JAG1: variants seen among roughly 807,000 people sequenced by gnomAD.
JAG1 encodes the protein jagged canonical Notch ligand 1.
In JAG1, 23 loss-of-function variants were observed where a neutral mutation model predicts 148.7. That is an observed-to-expected ratio of 0.15 (90% CI 0.11 to 0.22). The LOEUF is 0.22. JAG1 is among the 10% of genes least tolerant of loss of function. The probability of loss-of-function intolerance (pLI) is 1.00; values close to 1 mark genes in which losing one functional copy is unlikely to be tolerated. For synonymous variants in JAG1, 572 were observed against 598.3 expected (o/e 0.96, Z 0.64); for missense variants, 1,054 against 1,611.2 (o/e 0.65, Z 5.92).
chr20:10,644,982 A>G lies in JAG1; in HGVS notation c.2228-3T>C, dbSNP rs1244716853. The G allele has an allele frequency of 6.2e-7, 1 of 1,611,952 alleles. No individual in the cohort carries two copies. Among genetic ancestry groups the G allele is most frequent in the Non-Finnish European group, 8.5e-7 (1 of 1,178,162 alleles). On this transcript the variant is annotated splice_region_variant and splice_polypyrimidine_tract_variant and intron_variant, in intron 17 of 25. Coordinates refer to ENST00000254958, the MANE Select transcript of JAG1 (RefSeq NM_000214.3). ...GGGCAGGCAGCTACTGTTTCGGGCT[A>G]TAAAAGAAGAGCAGACACGACCACC...
chr20:10,657,595 A>G (rs1348749434), intron 4 of JAG1, among the ~76,000 whole-genome samples: 1 of 152,160 alleles, frequency 6.6e-6, no homozygotes, highest in Non-Finnish European at 1.5e-5. Context: ...AATTGAGTCT[A>G]TCAAAACAAT....
chr20:10,664,904 CA>C, intron 2 of JAG1, among the ~76,000 whole-genome samples: 2 of 152,296 alleles, frequency 1.3e-5, no homozygotes, highest in Middle Eastern at 6.8e-3. Flanking sequence ...AAGCTATTAG[CA>C]AATTCCCTCC....
At chr20:10,655,013 G>A (rs73075360) in intron 5 of JAG1, among the ~76,000 whole-genome samples, 3,002 of 152,272 alleles carry the variant, frequency 0.02, 32 homozygotes, top group Non-Finnish European at 0.027. Context: ...TTCCTGCTCC[G>A]CATTGGACAG....
rs754843631 is a variant in JAG1 at position 10,648,531 on chromosome 20, G to A, written c.1569+18C>T. 1 of 1,611,850 alleles carries A rather than the reference G, an allele frequency of 6.2e-7. No individual in the cohort carries two copies. Among genetic ancestry groups the A allele is most frequent in the Non-Finnish European group, 8.5e-7 (1 of 1,179,188 alleles). On this transcript the variant is annotated intron_variant, in intron 12 of 25. Transcript: ENST00000254958. ...CTGCTCTAAAAACTTGGCCATCTGA[G>A]GTTTTGCCACCACTCACCTGACAGA...
At chr20:10,654,550 C>T (rs756360973) in intron 5 of JAG1, among the ~76,000 whole-genome samples, 1 of 152,052 alleles carries the variant, frequency 6.6e-6, no homozygotes, top group Non-Finnish European at 1.5e-5. Context: ...AAAAAAATAA[C>T]CTGTGTAATA....
At position 10,644,315 on chromosome 20, in the gene JAG1, C is replaced by T. The variant is rs376057179; in HGVS notation, c.2372+42G>A. The T allele has an allele frequency of 2.1e-5, 31 of 1,469,178 alleles. No homozygotes were observed. The Admixed American group carries it at 2.5e-4, about 12-fold the overall frequency. The allele number at this position is 1,469,178 out of a possible 1,614,324, so 91.0% of individuals were successfully genotyped here. ...ACACACACACACACACACACACACA[C>T]GATAGTGGATGAGTGCTGGCTTAAA... is the stretch of plus-strand genomic sequence containing the variant. On this transcript the variant is annotated intron_variant, in intron 19 of 25. Transcript: ENST00000254958.
At position 10,647,103 on chromosome 20, in the gene JAG1, A is replaced by T; in HGVS notation, c.1721T>A (p.Val574Glu). The T allele has an allele frequency of 6.2e-7, 1 of 1,614,210 alleles. No individual in the cohort carries two copies. The highest frequency in any genetic ancestry group is 8.5e-7 in the Non-Finnish European group (1 of 1,180,020). Residue 574 changes from valine to glutamate, a missense_variant and splice_region_variant, in exon 14 of 26, where the codon GTG becomes GAG. By Grantham distance (121) the Val-to-Glu change is moderately radical (BLOSUM62 -2). Around this residue, in one of 6 missense-constraint regions of JAG1, gnomAD observed 245 missense variants for 373.1 expected, o/e 0.66. Coordinates refer to ENST00000254958, the MANE Select transcript of JAG1 (RefSeq NM_000214.3). The stretch of plus-strand genomic sequence containing the variant: ...CATGGCCACTGTGCAGCTGTCAATC[A>T]CTAGAAGATAGGCTTGGGATCAGAT... ...KDHCRTTPCE[V>E]IDSCTVAMAS...
At chr20:10,663,673 T>G (rs1797393917) in intron 3 of JAG1, among the ~76,000 whole-genome samples, 1 of 152,238 alleles carries the variant, frequency 6.6e-6, no homozygotes, top group Non-Finnish European at 1.5e-5. Flanking sequence ...CTACAAGGTT[T>G]TAAAGTTGTA....
chr20:10,672,258 C>T (rs2067501424), intron 2 of JAG1, among the ~76,000 whole-genome samples: 1 of 152,172 alleles, frequency 6.6e-6, no homozygotes, highest in South Asian at 2.1e-4. Context: ...CGGCCGTTCA[C>T]GGGAAAGGGG....
chr20:10,642,704 T>C (rs966246084), intron 20 of JAG1, 103 bp from the exon 21 acceptor site: 1 of 765,768 alleles, frequency 1.3e-6, no homozygotes, highest in African/African-American at 1.7e-5. Flanking sequence ...CATCATAAGC[T>C]TGATGAATTT....
chr20:10,649,254 G>T, intron 10 of JAG1, 147 bp from the exon 11 acceptor site: 2 of 679,746 alleles, frequency 2.9e-6, no homozygotes, highest in Admixed American at 2.4e-5. Context: ...CGCTGGGTGG[G>T]GACCCTCCCT....
rs1251746470 is a variant in JAG1, at chr20:10,642,496, C to A, written c.2564G>T (p.Cys855Phe). ...AAGCCTGGCACACATACCTTCCTGG[C>A]ACTTGGCACCACTGTGCCCTGGAGG... ...VCPPGHSGAK[C>F]QEVSGRPCIT... The change falls in exon 21 of 26, where the codon TGC (cysteine) becomes TTC (phenylalanine). Residue 855 changes from cysteine (C) to phenylalanine (F), a missense_variant. Around this residue, in one of 6 missense-constraint regions of JAG1, gnomAD observed 342 missense variants for 514.6 expected, o/e 0.66. Coordinates refer to ENST00000254958, the MANE Select transcript of JAG1 (RefSeq NM_000214.3). The A allele has an allele frequency of 6.2e-7, 1 of 1,603,686 alleles. No individual in the cohort carries two copies. Among genetic ancestry groups the A allele is most frequent in the Admixed American group, 1.7e-5 (1 of 59,984 alleles).
At position 10,647,983 on chromosome 20, in the gene JAG1, T is replaced by C; in HGVS notation, c.1697A>G (p.His566Arg). 6.2e-7 allele frequency: 1 copy of C among 1,614,132 alleles called. No homozygotes were observed. The highest frequency in any genetic ancestry group is 1.3e-5 in the African/African-American group (1 of 75,030). The change falls in exon 13 of 26, where the codon CAC (histidine) becomes CGC (arginine). Residue 566 changes from histidine to arginine, a missense_variant. His to Arg is a conservative substitution (Grantham distance 29, BLOSUM62 0). Coordinates refer to ENST00000254958, the MANE Select transcript of JAG1 (RefSeq NM_000214.3). ...EGKNCSHLKDHCRTTPCEVID... is the reference protein window; with the variant it reads ...EGKNCSHLKDRCRTTPCEVID... ...ACCTTCACAGGGGGTCGTGCGGCAG[T>C]GGTCTTTCAGGTGTGAGCAGTTCTT...
At chr20:10,667,319 C>T (rs1480731761) in intron 2 of JAG1, among the ~76,000 whole-genome samples, 1 of 152,212 alleles carries the variant, frequency 6.6e-6, no homozygotes, top group Non-Finnish European at 1.5e-5. Flanking sequence ...CGTCAGGGGC[C>T]CTGAGCTCTG....
At chr20:10,646,107 A>T in intron 14 of JAG1, 23 bp from the exon 15 acceptor site, 1 of 1,542,022 alleles carries the variant, frequency 6.5e-7, no homozygotes, top group East Asian at 2.2e-5. Flanking sequence ...GTAAAGCAAA[A>T]AAAGAACTGA....
chr20:10,645,607 C>T lies in JAG1; in HGVS notation c.2000-138G>A, dbSNP rs2067303730. On this transcript the variant is annotated intron_variant, in intron 15 of 25. Coordinates refer to ENST00000254958, the MANE Select transcript of JAG1 (RefSeq NM_000214.3). The surrounding 1 kb of genome is among the most constrained non-coding windows in gnomAD (Gnocchi z 6.1). Reference sequence around the variant, plus strand: ...CACAGTCGTAGTACTTTAACACAATCAGGCTTTTCCAGGAATAAAGGAGCT... The same window carrying T: ...CACAGTCGTAGTACTTTAACACAATTAGGCTTTTCCAGGAATAAAGGAGCT... 4.0e-6 allele frequency: 3 copies of T among 751,420 alleles called. No homozygotes were observed. The highest frequency in any genetic ancestry group is 3.4e-5 in the African/African-American group (2 of 58,076). 46.5% of individuals were successfully genotyped at this position (751,420 alleles called of 1,614,324 possible). A position where few individuals can be genotyped will look rare whatever the true frequency, so the allele number is the denominator to read the frequency against.
intron 2 of JAG1, 54 bp downstream of exon 2, chr20:10,672,647 G>T (rs953060502): frequency 4.5e-6 from 7 of 1,566,474 alleles, no homozygotes; most frequent in Non-Finnish European, 5.2e-6. Flanking sequence ...AACAGGGCTC[G>T]GCCAGGCGCG....
intron 3 of JAG1, among the ~76,000 whole-genome samples, chr20:10,659,932 G>A (rs1485030782): frequency 6.6e-6 from 1 of 152,168 alleles, no homozygotes; most frequent in Admixed American, 6.5e-5. Flanking sequence ...GGAGGGATCT[G>A]AAAAGGCAGC....
At chr20:10,652,347 A>G (rs2067353050) in intron 6 of JAG1, 97 bp from the exon 7 acceptor site, 2 of 1,599,516 alleles carry the variant, frequency 1.3e-6, no homozygotes, top group South Asian at 2.2e-5. Context: ...GAAAAACCAG[A>G]AAACCCACAC....
Sources: gnomAD v4.1 joint callset for allele counts (sites outside exome capture counted in the v4.1 genomes callset) on GRCh38, gnomAD v4.1.1 for gene constraint, gnomAD v4.1.1 regional missense constraint, Gnocchi (gnomAD v3.1) non-coding constraint, MANE v1.5 for transcripts, NCBI Gene and HGNC (gene_info 2026-07-23, HGNC 2026-07-21) for gene names.